SERAC1: variants seen among roughly 807,000 people sequenced by gnomAD.
The protein encoded by SERAC1 is serine active site containing 1, also known as protein SERAC1.
Under a neutral mutation model 85.7 loss-of-function variants are expected in SERAC1, and 36 were observed. The ratio of observed to expected loss-of-function variants is 0.42; its 90% confidence interval spans 0.32 to 0.55. The LOEUF (loss-of-function observed/expected upper bound fraction) is 0.55, where lower values mean the gene tolerates loss of function less well. Among genes scored for constraint, SERAC1 ranks in the 20% least tolerant of loss-of-function variants. The pLI is 0.11. For missense variants in SERAC1, 629 were observed against 796.2 expected, an observed-to-expected ratio of 0.79 and a Z score of 2.53; for synonymous variants, 242 against 265.3, an observed-to-expected ratio of 0.91 and a Z score of 0.85.
In SERAC1 at chr6:158,113,578, TAAGTGCAGGAG is replaced by T; in HGVS notation, c.1688_1698del (p.Ser563Ter). ...TCCAGAAAGTCATCTTGTAGTGTTT[TAAGTGCAGGAG>T]AATCTGTAAAATTATACAGAACAAG... On this transcript the variant is annotated frameshift_variant, in exon 16 of 17. Coordinates refer to ENST00000647468, the MANE Select transcript of SERAC1 (RefSeq NM_032861.4). LOFTEE classifies it high-confidence loss of function. The T allele has an allele frequency of 6.2e-7, 1 of 1,613,848 alleles. No homozygotes were observed.
intron 3 of SERAC1, among the ~76,000 whole-genome samples, chr6:158,151,660 T>C (rs1253151830): frequency 6.6e-6 from 1 of 152,040 alleles, no homozygotes; most frequent in Non-Finnish European, 1.5e-5. Context: ...CTCCTGACCT[T>C]GTGATCCACC....
intron 1 of SERAC1, among the ~76,000 whole-genome samples, chr6:158,160,016 T>C (rs575276801): frequency 1.4e-4 from 21 of 152,358 alleles, no homozygotes; most frequent in African/African-American, 4.8e-4. Context: ...GCTTATTCTT[T>C]GTTGCGAGCA....
chr6:158,154,947 G>C (rs1785292411), intron 3 of SERAC1, among the ~76,000 whole-genome samples: 1 of 151,698 alleles, frequency 6.6e-6, no homozygotes, highest in Admixed American at 6.6e-5. Context: ...GTGAGTGCCT[G>C]ATTTAAGTGC....
chr6:158,141,554 C>G (rs1270065990), intron 8 of SERAC1, among the ~76,000 whole-genome samples: 1 of 152,236 alleles, frequency 6.6e-6, no homozygotes, highest in South Asian at 2.1e-4. Context: ...GGTCCACCAG[C>G]TCTACCTTCA....
chr6:158,155,329 T>C lies in SERAC1; in HGVS notation c.114A>G (p.Gly38=). 6.4e-7 allele frequency: 1 copy of C among 1,553,324 alleles called. No individual in the cohort carries two copies. The highest frequency in any genetic ancestry group is 8.9e-7 in the Non-Finnish European group (1 of 1,126,546). Residue 38 remains glycine, a synonymous_variant, in exon 3 of 17, where the codon GGA becomes GGG. Transcript: ENST00000647468. Reference sequence around the variant, plus strand: ...TGACGACTTACCCTAAAATAAGTGATCCAGTAAACTTTATTATATTTCCTT... The same window carrying C: ...TGACGACTTACCCTAAAATAAGTGACCCAGTAAACTTTATTATATTTCCTT... The part of the protein sequence containing the change: ...RDIRNIIKFT[G]SLILGGSLFL...
intron 8 of SERAC1, among the ~76,000 whole-genome samples, chr6:158,140,553 C>T (rs371060755): frequency 3.1e-4 from 47 of 152,306 alleles, no homozygotes; most frequent in African/African-American, 1.0e-3. Flanking sequence ...TTATAATAAA[C>T]GGTAAGCATA....
At chr6:158,114,560 A>C (rs1784229824) in intron 15 of SERAC1, 2 of 1,220,788 alleles carry the variant, frequency 1.6e-6, no homozygotes, top group Non-Finnish European at 2.1e-6. Flanking sequence ...TTAAGTATTT[A>C]AGATAATATT....
intron 3 of SERAC1, among the ~76,000 whole-genome samples, chr6:158,153,152 T>C (rs1225877677): frequency 6.6e-6 from 1 of 152,220 alleles, no homozygotes; most frequent in East Asian, 1.9e-4. Flanking sequence ...ACCACCTATA[T>C]ATGCATCCTT....
At chr6:158,131,494 T>C (rs1784675355) in intron 8 of SERAC1, among the ~76,000 whole-genome samples, 1 of 148,122 alleles carries the variant, frequency 6.8e-6, no homozygotes, top group African/African-American at 2.5e-5. Context: ...AATATATTTT[T>C]TGTATATTTA....
Position 158,116,045 on chromosome 6 carries a change from T to C in SERAC1, c.1501+140A>G, listed in dbSNP as rs1784279574. The stretch of plus-strand genomic sequence containing the variant: ...GTAGTAATTTTAAAAGTCCTAGCCA[T>C]AGCTACACAGATTAATTTAGCAGGG... On this transcript the variant is annotated intron_variant, in intron 14 of 16. Coordinates refer to ENST00000647468, the MANE Select transcript of SERAC1 (RefSeq NM_032861.4). The C allele has an allele frequency of 5.9e-6, 4 of 673,858 alleles. No individual in the cohort carries two copies. In the Admixed American group the frequency reaches 7.7e-5, roughly 13 times the overall value. The allele number at this position is 673,858 out of a possible 1,614,324, so 41.7% of individuals were successfully genotyped here. A position where few individuals can be genotyped will look rare whatever the true frequency, so the allele number is the denominator to read the frequency against.
At chr6:158,115,077 T>G in intron 14 of SERAC1, 106 bp from the exon 15 acceptor site, 7 of 1,239,150 alleles carry the variant, frequency 5.6e-6, no homozygotes, top group Non-Finnish European at 7.8e-6. Context: ...AGAGATGCTT[T>G]CTTTTTAAAA....
chr6:158,146,938 C>A, intron 5 of SERAC1, 25 bp from the exon 6 acceptor site: 1 of 1,607,818 alleles, frequency 6.2e-7, no homozygotes, highest in Non-Finnish European at 8.5e-7. Flanking sequence ...AAAGCCAAGA[C>A]AATGTGAAAA....
chr6:158,149,357 T>C (rs1785151572), intron 4 of SERAC1, among the ~76,000 whole-genome samples: 1 of 152,220 alleles, frequency 6.6e-6, no homozygotes, highest in African/African-American at 2.4e-5. Flanking sequence ...CCATATTTTT[T>C]CACAAAGAAA....
intron 10 of SERAC1, among the ~76,000 whole-genome samples, chr6:158,122,797 T>C (rs1462070136): frequency 6.6e-6 from 1 of 152,102 alleles, no homozygotes; most frequent in African/African-American, 2.4e-5. Context: ...AAGAAAAATG[T>C]AGCTCTATGT....
chr6:158,117,558 A>G lies in SERAC1; in HGVS notation c.1403+169T>C. On this transcript the variant is annotated intron_variant, in intron 13 of 16. Transcript: ENST00000647468. The surrounding 1 kb of genome is among the most constrained non-coding windows in gnomAD (Gnocchi z 4.3). ...TAAGCCTTCTACTATTCCACTGCTTATTGACAGCAAACTCCTTCTAGAAGG... is the reference window on the plus strand; with the variant it reads ...TAAGCCTTCTACTATTCCACTGCTTGTTGACAGCAAACTCCTTCTAGAAGG... 1.3e-6 allele frequency: 2 copies of G among 1,551,074 alleles called. No homozygotes were observed. Among genetic ancestry groups the G allele is most frequent in the South Asian group, 1.2e-5 (1 of 84,086 alleles).
At chr6:158,158,461 C>A in intron 1 of SERAC1, 97 bp from the exon 2 acceptor site, 4 of 839,710 alleles carry the variant, frequency 4.8e-6, no homozygotes, top group South Asian at 1.9e-5. Flanking sequence ...AGTGGATGAC[C>A]CACAGAGTTA....
chr6:158,119,034 G>A lies in SERAC1; in HGVS notation c.1303C>T (p.Pro435Ser). Residue 435 changes from proline to serine, a missense_variant, in exon 12 of 17, where the codon CCC becomes TCC. Transcript: ENST00000647468. This position sits in a 1 kb window ranked among gnomAD's most constrained non-coding sequence, Gnocchi z 4.5. ...EDEDRYTTCWPKTWLAKDCPA... is the reference protein window; with the variant it reads ...EDEDRYTTCWSKTWLAKDCPA... ...AGAGTCAGTGGCTCCCTTACCTTGG[G>A]CCAGCACGTCGTATATCTGTCTTCA... 1.2e-6 allele frequency: 2 copies of A among 1,612,332 alleles called. No homozygotes were observed. The highest frequency in any genetic ancestry group is 1.7e-6 in the Non-Finnish European group (2 of 1,179,110).
At chr6:158,163,764 ACT>A (rs1785537803) in intron 1 of SERAC1, among the ~76,000 whole-genome samples, 1 of 150,774 alleles carries the variant, frequency 6.6e-6, no homozygotes, top group African/African-American at 2.4e-5. Context: ...ACAGAGTCTC[ACT>A]CTGTCGCCCA....
chr6:158,157,553 T>A (rs1398955000), intron 2 of SERAC1, among the ~76,000 whole-genome samples: 1 of 152,210 alleles, frequency 6.6e-6, no homozygotes, highest in Admixed American at 6.5e-5. Flanking sequence ...CAGTAGATGG[T>A]CAATTAAATA....
Sources: allele counts gnomAD v4.1 joint callset (sites outside exome capture counted in the v4.1 genomes callset), GRCh38; gene constraint gnomAD v4.1.1; non-coding constraint Gnocchi (gnomAD v3.1); transcripts MANE v1.5; gene names NCBI Gene and HGNC (gene_info 2026-07-23, HGNC 2026-07-21).